The following RAB22A variants were observed in gnomAD, a reference collection of about 807,000 sequenced individuals.
RAB22A encodes the protein ras-related protein Rab-22A.
RAB22A carries 13 observed loss-of-function variants against 30.2 expected under a neutral mutation model. The ratio of observed to expected loss-of-function variants is 0.43; its 90% CI spans 0.28 to 0.68. RAB22A has a LOEUF of 0.68. Among genes scored for constraint, RAB22A ranks in the 30% least tolerant of loss-of-function variants. RAB22A has a pLI of 0.18. For synonymous variants in RAB22A, 89 were observed against 87.2 expected (o/e 1.02, Z -0.11); for missense variants, 177 against 246.8 (o/e 0.72, Z 1.89).
intron 2 of RAB22A, among the ~76,000 whole-genome samples, chr20:58,338,921 G>A (rs535327848): frequency 2.6e-5 from 4 of 152,258 alleles, no homozygotes; most frequent in African/African-American, 9.6e-5. Flanking sequence ...AAAATGTGCT[G>A]GATTGTTCAT....
chr20:58,334,393 T>C (rs992459607), intron 2 of RAB22A, among the ~76,000 whole-genome samples: 7 of 151,976 alleles, frequency 4.6e-5, no homozygotes, highest in Non-Finnish European at 7.4e-5. Flanking sequence ...ATATTTGATC[T>C]ATCCAAAGAA....
intron 3 of RAB22A, among the ~76,000 whole-genome samples, chr20:58,350,843 C>T (rs1020287479): frequency 2.0e-5 from 3 of 152,096 alleles, no homozygotes; most frequent in Non-Finnish European, 2.9e-5. Context: ...CAAATAGAAA[C>T]GTATGTTTTT....
In RAB22A at chr20:58,343,996, T is replaced by C. The variant is rs554188760; in HGVS notation, c.198+197T>C. On this transcript the variant is annotated intron_variant, in intron 3 of 6. Coordinates refer to ENST00000244040, the MANE Select transcript of RAB22A (RefSeq NM_020673.3). ...CAGAGTCCACCGATGGAGAAAGTGA[T>C]AATGGGCACTGAGGGCATTTTTATA... 5.9e-5 allele frequency among the ~76,000 whole-genome samples: 9 copies of C among 152,306 alleles called. No individual in the cohort carries two copies. The South Asian group carries it at 1.7e-3, about 28-fold the overall frequency.
chr20:58,336,622 T>G (rs1444894320), intron 2 of RAB22A, among the ~76,000 whole-genome samples: 1 of 152,230 alleles, frequency 6.6e-6, no homozygotes, highest in African/African-American at 2.4e-5. Flanking sequence ...AGAGAGTGAT[T>G]TTTTGAAATA....
chr20:58,335,932 C>T lies in RAB22A; in HGVS notation c.117-7786C>T, dbSNP rs892051373. On this transcript the variant is annotated intron_variant, in intron 2 of 6. Coordinates refer to ENST00000244040, the MANE Select transcript of RAB22A (RefSeq NM_020673.3). ...AGTTGTCCCTTTTGTCCCTTCCTGC[C>T]CATCCTATCTTTGTCCAGGATCATT... Among the ~76,000 whole-genome samples the T allele has an allele frequency of 4.6e-5, 7 of 152,282 alleles. No individual in the cohort carries two copies. In the East Asian group the frequency reaches 1.2e-3, roughly 25 times the overall value.
intron 2 of RAB22A, among the ~76,000 whole-genome samples, chr20:58,312,339 G>C (rs1986243938): frequency 6.8e-6 from 1 of 146,770 alleles, no homozygotes; most frequent in African/African-American, 2.5e-5. Flanking sequence ...GCTCACTGCA[G>C]CCTCAATCTC....
In RAB22A at chr20:58,360,910, A is replaced by T. The variant is rs1050126819; in HGVS notation, c.*1207A>T. 1.3e-5 allele frequency: 2 copies of T among 152,612 alleles called. No individual in the cohort carries two copies. The highest frequency in any genetic ancestry group is 4.8e-5 in the African/African-American group (2 of 41,446). The allele number at this position is 152,612 out of a possible 1,614,324, so 9.5% of individuals were successfully genotyped here. A position where few individuals can be genotyped will look rare whatever the true frequency, so the allele number is the denominator to read the frequency against. ...CTTACTAGCCTGAGGGTAAAAGATT[A>T]AGCTCCAACCTCAAGTCATTTACCT... On this transcript the variant is annotated 3_prime_UTR_variant, in exon 7 of 7. Transcript: ENST00000244040.
In RAB22A at chr20:58,327,539, A is replaced by G. The variant is rs1206320883; in HGVS notation, c.117-16179A>G. ...CAAAGTAGCTAACTTTCCACAGAGC[A>G]AATGATTCAAGAGAAAGAGCAAGGA... On this transcript the variant is annotated intron_variant, in intron 2 of 6. Coordinates refer to ENST00000244040, the MANE Select transcript of RAB22A (RefSeq NM_020673.3). Among the ~76,000 whole-genome samples the G allele has an allele frequency of 3.3e-5, 5 of 152,214 alleles. No individual in the cohort carries two copies. In the East Asian group the frequency reaches 9.6e-4, roughly 29 times the overall value.
At chr20:58,338,104 G>A (rs1489662278) in intron 2 of RAB22A, among the ~76,000 whole-genome samples, 2 of 151,654 alleles carry the variant, frequency 1.3e-5, no homozygotes, top group Non-Finnish European at 2.9e-5. Context: ...TCAGCTCACT[G>A]CATCCTCCAT....
chr20:58,336,231 C>T (rs772933557), intron 2 of RAB22A, among the ~76,000 whole-genome samples: 2 of 152,112 alleles, frequency 1.3e-5, no homozygotes, highest in Non-Finnish European at 2.9e-5. Flanking sequence ...AGGCTGGTCT[C>T]GTACTCCTGA....
chr20:58,334,473 T>C (rs936384487), intron 2 of RAB22A, among the ~76,000 whole-genome samples: 3 of 151,966 alleles, frequency 2.0e-5, no homozygotes, highest in African/African-American at 7.2e-5. Flanking sequence ...TAAATAATTA[T>C]ATTGACTGTA....
rs1317135823 is a variant in RAB22A at position 58,343,760 on chromosome 20, A to G, written c.159A>G (p.Leu53=). 2.5e-6 allele frequency: 4 copies of G among 1,611,832 alleles called. No homozygotes were observed. The highest frequency in any genetic ancestry group is 3.4e-6 in the Non-Finnish European group (4 of 1,177,890). Residue 53 remains leucine, a synonymous_variant, in exon 3 of 7, where the codon CTA becomes CTG. Transcript: ENST00000244040. The part of the protein sequence containing the change: ...MTKTVQYQNE[L]HKFLIWDTAG... ...AGACTGTCCAGTACCAAAATGAGCT[A>G]CATAAATTCCTAATCTGGGATACAG...
intron 2 of RAB22A, among the ~76,000 whole-genome samples, chr20:58,330,089 A>T (rs945989852): frequency 6.6e-6 from 1 of 152,242 alleles, no homozygotes; most frequent in Admixed American, 6.5e-5. Context: ...TCTAGAGATG[A>T]CTTAAAGTAT....
Position 58,366,559 on chromosome 20 carries a change from T to C in RAB22A, c.*6856T>C, listed in dbSNP as rs1032547562. ...GTCCATTACACATTCGATACAGGTA[T>C]CAAAATATCATAGGCACCTCAAAGA... On this transcript the variant is annotated 3_prime_UTR_variant, in exon 7 of 7. Coordinates refer to ENST00000244040, the MANE Select transcript of RAB22A (RefSeq NM_020673.3). The C allele has an allele frequency of 6.6e-6, 1 of 151,940 alleles. No individual in the cohort carries two copies. The highest frequency in any genetic ancestry group is 2.4e-5 in the African/African-American group (1 of 41,372). 9.4% of individuals were successfully genotyped at this position (151,940 alleles called of 1,614,324 possible).
intron 3 of RAB22A, among the ~76,000 whole-genome samples, chr20:58,351,592 T>A (rs1430667154): frequency 6.6e-6 from 1 of 152,184 alleles, no homozygotes; most frequent in African/African-American, 2.4e-5. Flanking sequence ...GGCAGGTGGA[T>A]CACCTGAAGT....
At chr20:58,325,113 G>T (rs1986541398) in intron 2 of RAB22A, among the ~76,000 whole-genome samples, 3 of 149,286 alleles carry the variant, frequency 2.0e-5, no homozygotes, top group African/African-American at 5.0e-5. Context: ...GGAGTCGGAG[G>T]TTGCAGTGAG....
chr20:58,316,594 A>G (rs1415523147), intron 2 of RAB22A, among the ~76,000 whole-genome samples: 1 of 152,026 alleles, frequency 6.6e-6, no homozygotes, highest in Non-Finnish European at 1.5e-5. Context: ...TAGTGAGCCT[A>G]TTGTGTTCCT....
chr20:58,358,050 A>G (rs1162528914), intron 6 of RAB22A, among the ~76,000 whole-genome samples: 2 of 152,188 alleles, frequency 1.3e-5, no homozygotes, highest in South Asian at 2.1e-4. Flanking sequence ...GTAAACAGAT[A>G]TGAGATATGT....
At chr20:58,318,098 C>T (rs1986379276) in intron 2 of RAB22A, among the ~76,000 whole-genome samples, 1 of 150,502 alleles carries the variant, frequency 6.6e-6, no homozygotes, top group Non-Finnish European at 1.5e-5. Context: ...GAACTCTTCA[C>T]CTCAAGTGAT....
Sources: gnomAD v4.1 joint callset for allele counts (sites outside exome capture counted in the v4.1 genomes callset) on GRCh38, gnomAD v4.1.1 for gene constraint, MANE v1.5 for transcripts, NCBI Gene and HGNC (gene_info 2026-07-23, HGNC 2026-07-21) for gene names.